The following PREX1 variants were observed in gnomAD, a reference collection of about 807,000 sequenced individuals.
The protein encoded by PREX1 is phosphatidylinositol 3,4,5-trisphosphate-dependent Rac exchanger 1 protein.
PREX1 carries 41 observed loss-of-function variants against 198.3 expected under a neutral mutation model. The observed-to-expected ratio is 0.21, with a 90% CI of 0.16 to 0.27. The LOEUF (loss-of-function observed/expected upper bound fraction) is 0.27, where lower values mean the gene tolerates loss of function less well. Among genes scored for constraint, PREX1 ranks in the 10% least tolerant of loss-of-function variants. The pLI is 1.00. For missense variants in PREX1, 1,620 were observed against 2,200.7 expected, an observed-to-expected ratio of 0.74 and a Z score of 5.28; for synonymous variants, 843 against 887.2, an observed-to-expected ratio of 0.95 and a Z score of 0.89.
Position 48,658,121 on chromosome 20 carries a change from C to A in PREX1, c.1974+15G>T. ...ACCTGCACACGGTCCCTGCCAGCTCCCCCGAGGGCCTCACCTCAGCCAGCG... is the reference window on the plus strand; with the variant it reads ...ACCTGCACACGGTCCCTGCCAGCTCACCCGAGGGCCTCACCTCAGCCAGCG... On this transcript the variant is annotated intron_variant, in intron 17 of 39. Transcript: ENST00000371941. 1 of 1,609,802 alleles carries A rather than the reference C, an allele frequency of 6.2e-7. No homozygotes were observed. Among genetic ancestry groups the A allele is most frequent in the Admixed American group, 1.7e-5 (1 of 59,370 alleles).
intron 20 of PREX1, among the ~76,000 whole-genome samples, 192 bp from the exon 21 acceptor site, chr20:48,652,898 C>A (rs891327623): frequency 1.3e-5 from 2 of 152,174 alleles, no homozygotes; most frequent in African/African-American, 2.4e-5. Flanking sequence ...GAGGCAGGGA[C>A]ATGGGTGCAG....
In PREX1 at chr20:48,646,065, A is replaced by C. The variant is rs377534432; in HGVS notation, c.3306-8T>G. The stretch of plus-strand genomic sequence containing the variant: ...GTGATGGTGGACAGCAGCCTACGGA[A>C]GCAAAGACCTTGAAGTCAAAGATAC... On this transcript the variant is annotated splice_region_variant and splice_polypyrimidine_tract_variant and intron_variant, in intron 25 of 39. Transcript: ENST00000371941. 3.7e-6 allele frequency: 6 copies of C among 1,612,318 alleles called. No individual in the cohort carries two copies. The highest frequency in any genetic ancestry group is 4.2e-6 in the Non-Finnish European group (5 of 1,179,888).
chr20:48,868,751 A>G, the PREX1 span, among the ~76,000 whole-genome samples: 3 of 152,226 alleles, frequency 2.0e-5, no homozygotes, highest in Non-Finnish European at 4.4e-5. Flanking sequence ...TAATTATACA[A>G]ACAAATAGTA....
chr20:48,818,899 C>G (rs1002333134), intron 1 of PREX1, among the ~76,000 whole-genome samples: 1 of 152,212 alleles, frequency 6.6e-6, no homozygotes, highest in Admixed American at 6.5e-5. Flanking sequence ...GGGGCCCAAA[C>G]TCCTCTTTGG....
In PREX1 at chr20:48,625,663, G is replaced by C. The variant is rs886497075; in HGVS notation, c.*222C>G. ...CCAGCACCCCTCCAGCTTCTGGCAG[G>C]CGTGTGAAGAATGGGCCGGCCCAGG... On this transcript the variant is annotated 3_prime_UTR_variant, in exon 40 of 40. Coordinates refer to ENST00000371941, the MANE Select transcript of PREX1 (RefSeq NM_020820.4). The C allele has an allele frequency of 5.5e-6, 3 of 543,934 alleles. No individual in the cohort carries two copies. The Admixed American group carries it at 1.2e-4, about 22-fold the overall frequency. 33.7% of individuals were successfully genotyped at this position (543,934 alleles called of 1,614,324 possible).
chr20:48,833,998 G>A, the PREX1 span, among the ~76,000 whole-genome samples: 3 of 151,950 alleles, frequency 2.0e-5, no homozygotes, highest in Non-Finnish European at 4.4e-5. Flanking sequence ...GGAGAATGGC[G>A]TGAACCCGGG....
Position 48,651,404 on chromosome 20 carries a change from T to A in PREX1, c.2647A>T (p.Thr883Ser). 6.2e-7 allele frequency: 1 copy of A among 1,602,918 alleles called. No individual in the cohort carries two copies. Among genetic ancestry groups the A allele is most frequent in the South Asian group, 1.1e-5 (1 of 89,862 alleles). Residue 883 changes from threonine to serine, a missense_variant, in exon 22 of 40, where the codon ACC (threonine) becomes TCC (serine). Thr to Ser is a moderately conservative substitution (Grantham distance 58, BLOSUM62 1). Around this residue, in one of 7 missense-constraint regions of PREX1, gnomAD observed 514 missense variants for 611.6 expected, o/e 0.84. Coordinates refer to ENST00000371941, the MANE Select transcript of PREX1 (RefSeq NM_020820.4). Reference sequence around the variant, plus strand: ...GCAGTGCCCAAGGAGACCTTGGCGGTGAGGCCGAAGCAGCCGCGGGGCTCC... The same window carrying A: ...GCAGTGCCCAAGGAGACCTTGGCGGAGAGGCCGAAGCAGCCGCGGGGCTCC... Reference protein sequence around the residue: ...IVEPRGCFGLTAKILEAFAAN... With the variant: ...IVEPRGCFGLSAKILEAFAAN...
chr20:48,807,387 A>G (rs2090416512), intron 1 of PREX1, among the ~76,000 whole-genome samples: 1 of 152,070 alleles, frequency 6.6e-6, no homozygotes, highest in Non-Finnish European at 1.5e-5. Context: ...CAGCACATAC[A>G]GCCCCTCATG....
At chr20:48,652,556 G>A (rs1359996072) in intron 21 of PREX1, 30 bp downstream of exon 21, 1 of 1,579,990 alleles carries the variant, frequency 6.3e-7, no homozygotes, top group Non-Finnish European at 8.6e-7. Context: ...CCCTCTGGAA[G>A]CTCCTGTCAT....
intron 21 of PREX1, among the ~76,000 whole-genome samples, chr20:48,651,919 G>T (rs192211826): frequency 4.6e-5 from 7 of 152,356 alleles, no homozygotes; most frequent in African/African-American, 1.7e-4. Flanking sequence ...CACCGTCCTG[G>T]TAAGAAATGA....
chr20:48,670,163 G>A (rs903857672), intron 14 of PREX1, among the ~76,000 whole-genome samples: 1 of 152,282 alleles, frequency 6.6e-6, no homozygotes, highest in African/African-American at 2.4e-5. Context: ...CATGGAGAGG[G>A]GAAGTGAGGC....
At chr20:48,755,568 G>A (rs2090152785) in intron 1 of PREX1, among the ~76,000 whole-genome samples, 1 of 152,192 alleles carries the variant, frequency 6.6e-6, no homozygotes. Context: ...TGATTGGATT[G>A]CAAATGCGAT....
chr20:48,743,706 T>A (rs578055465), intron 3 of PREX1, among the ~76,000 whole-genome samples: 69 of 152,384 alleles, frequency 4.5e-4, no homozygotes, highest in African/African-American at 1.6e-3. Context: ...CCTGGATTTA[T>A]CCCGTTTATG....
At chr20:48,774,742 G>A (rs750246882) in intron 1 of PREX1, among the ~76,000 whole-genome samples, 6 of 152,210 alleles carry the variant, frequency 3.9e-5, no homozygotes, top group African/African-American at 7.2e-5. Context: ...GGCTGGACCC[G>A]CACGGCTGAA....
At chr20:48,839,665 G>A in the PREX1 span, among the ~76,000 whole-genome samples, 51 of 152,310 alleles carry the variant, frequency 3.3e-4, no homozygotes, top group African/African-American at 1.2e-3. Flanking sequence ...ACATTTCCCA[G>A]GCCTCTTGCA....
chr20:48,690,414 C>A (rs1019095024), intron 9 of PREX1, among the ~76,000 whole-genome samples: 1 of 152,158 alleles, frequency 6.6e-6, no homozygotes, highest in Non-Finnish European at 1.5e-5. Context: ...ACCAAAGCCT[C>A]CTTTTCCCAG....
At chr20:48,766,884 T>A (rs1003583229) in intron 1 of PREX1, among the ~76,000 whole-genome samples, 4 of 152,064 alleles carry the variant, frequency 2.6e-5, no homozygotes, top group South Asian at 4.1e-4. Flanking sequence ...ACCTGTAAAA[T>A]AGACACTGTG....
chr20:48,662,577 T>C (rs1303248219), intron 15 of PREX1, among the ~76,000 whole-genome samples: 1 of 152,168 alleles, frequency 6.6e-6, no homozygotes, highest in Non-Finnish European at 1.5e-5. Context: ...CATATGTGCC[T>C]AAAGCAAGAG....
intron 35 of PREX1, 131 bp from the exon 36 acceptor site, chr20:48,630,925 C>G: frequency 1.4e-6 from 1 of 695,380 alleles, no homozygotes; most frequent in Non-Finnish European, 2.5e-6. Flanking sequence ...TCCCTGAGAG[C>G]GCCTGCAGGC....
Sources: allele counts gnomAD v4.1 joint callset (sites outside exome capture counted in the v4.1 genomes callset), GRCh38; gene constraint gnomAD v4.1.1; regional missense constraint gnomAD v4.1.1; transcripts MANE v1.5; gene names NCBI Gene and HGNC (gene_info 2026-07-23, HGNC 2026-07-21).